Variants in ACACB observed in about 807,000 individuals in gnomAD.
The protein encoded by ACACB is acetyl-CoA carboxylase 2.
A neutral mutation model predicts 278.8 loss-of-function variants in ACACB; 209 were observed. The ratio of observed to expected loss-of-function variants is 0.75; its 90% CI spans 0.67 to 0.84. The LOEUF is 0.84. Among genes scored for constraint, ACACB ranks in the 40% least tolerant of loss-of-function variants. The pLI is 0.00. For synonymous variants in ACACB, 1,174 were observed against 1,285.6 expected (o/e 0.91, Z 1.86); for missense variants, 2,850 against 3,269.0 (o/e 0.87, Z 3.13).
chr12:109,113,378 G>A (rs1321870239), upstream of ACACB: 2 of 152,268 alleles, frequency 1.3e-5, no homozygotes, highest in Non-Finnish European at 2.9e-5. Flanking sequence ...AGGCTTCTGA[G>A]AACCTGGCCT....
intron 25 of ACACB, 71 bp downstream of exon 25, chr12:109,222,691 C>A: frequency 6.6e-7 from 1 of 1,519,398 alleles, no homozygotes; most frequent in East Asian, 2.3e-5. Flanking sequence ...CTACCGTGCT[C>A]AGCCCTCACC....
In ACACB at chr12:109,163,839, G is replaced by A. The variant is rs559887357; in HGVS notation, c.654-3022G>A. ...TAATTTTTGTATTTTTAGTAGAGAC[G>A]GGGTTTCACCATGTTGGCCAAGCTG... On this transcript the variant is annotated intron_variant, in intron 2 of 52. Coordinates refer to ENST00000338432, the MANE Select transcript of ACACB (RefSeq NM_001093.4). Among the ~76,000 whole-genome samples the A allele has an allele frequency of 9.2e-5, 14 of 152,220 alleles. 1 individual carries two copies. The highest frequency in any genetic ancestry group is 7.2e-4 in the Admixed American group (11 of 15,298).
rs773461289 is a variant in ACACB at position 109,256,162 on chromosome 12, C to T, written c.6189C>T (p.Ser2063=). ...PHPTLKGTWQ[S]GFFDHGSFKE... is the part of the protein sequence containing the mutation. ...CAGCTCTGAAGGGAACGTGGCAGAGCGGATTCTTTGACCACGGCAGTTTCA... is the reference window on the plus strand; with the variant it reads ...CAGCTCTGAAGGGAACGTGGCAGAGTGGATTCTTTGACCACGGCAGTTTCA... The change falls in exon 45 of 53, where the codon AGC becomes AGT. Residue 2063 remains serine, a synonymous_variant. Transcript: ENST00000338432. The T allele has an allele frequency of 1.4e-5, 23 of 1,613,820 alleles. No homozygotes were observed. In the Admixed American group the frequency reaches 1.7e-4, roughly 12 times the overall value.
At chr12:109,168,125 C>G in intron 4 of ACACB, 91 bp downstream of exon 4, 1 of 1,410,598 alleles carries the variant, frequency 7.1e-7, no homozygotes, top group Non-Finnish European at 9.6e-7. Context: ...CCATCCTGGA[C>G]TCCCGATGGT....
chr12:109,191,651 G>A lies in ACACB; in HGVS notation c.2183G>A (p.Gly728Asp). The change falls in exon 14 of 53, where the codon GGC becomes GAC. Residue 728 changes from glycine to aspartate, a missense_variant. Physicochemically the swap from Gly to Asp is moderately conservative, Grantham distance 94 (BLOSUM62 -1). This residue lies in a region of ACACB where 2,265 missense variants were observed against 2,561.3 expected (regional missense o/e 0.88). Transcript: ENST00000338432. ...VVALKELSIR[G>D]DFRTTVEYLI... ...GCTTTGAAGGAACTGTCCATCCGAG[G>A]CGACTTTAGGACTACCGTGGAATAC... 1 of 1,614,174 alleles carries A rather than the reference G, an allele frequency of 6.2e-7. No homozygotes were observed.
chr12:109,257,580 T>C (rs2047261758), intron 45 of ACACB, among the ~76,000 whole-genome samples: 1 of 151,998 alleles, frequency 6.6e-6, no homozygotes, highest in Non-Finnish European at 1.5e-5. Context: ...TTATTATTAT[T>C]ATTATTTTGA....
Position 109,193,781 on chromosome 12 carries a change from G to T in ACACB, c.2481+52G>T, listed in dbSNP as rs1324057697. On this transcript the variant is annotated intron_variant, in intron 16 of 52. Coordinates refer to ENST00000338432, the MANE Select transcript of ACACB (RefSeq NM_001093.4). ...TCTCCAACACTCTGCAAGCTTCAGGGAGTTTCTTTCTTCCATGAACCATCC... is the reference window on the plus strand; with the variant it reads ...TCTCCAACACTCTGCAAGCTTCAGGTAGTTTCTTTCTTCCATGAACCATCC... The T allele has an allele frequency of 2.0e-6, 3 of 1,508,156 alleles. No individual in the cohort carries two copies. In the African/African-American group the frequency reaches 4.1e-5, roughly 21 times the overall value. The allele number at this position is 1,508,156 out of a possible 1,614,324, so 93.4% of individuals were successfully genotyped here.
intron 2 of ACACB, among the ~76,000 whole-genome samples, chr12:109,142,448 C>T (rs891350902): frequency 7.2e-5 from 11 of 152,278 alleles, no homozygotes; most frequent in South Asian, 2.1e-4. Flanking sequence ...CCCACCTTTC[C>T]ACCCACTGTC....
intron 2 of ACACB, among the ~76,000 whole-genome samples, chr12:109,163,795 G>C (rs767093858): frequency 6.6e-6 from 1 of 152,060 alleles, no homozygotes; most frequent in East Asian, 1.9e-4. Flanking sequence ...GATTACAGAT[G>C]CACACCACCA....
chr12:109,176,056 G>C lies in ACACB; in HGVS notation c.1326+16G>C. The C allele has an allele frequency of 6.2e-7, 1 of 1,613,648 alleles. No homozygotes were observed. Among genetic ancestry groups the C allele is most frequent in the Non-Finnish European group, 8.5e-7 (1 of 1,179,506 alleles). On this transcript the variant is annotated intron_variant, in intron 8 of 52. Transcript: ENST00000338432. ...GGGCTTGGAGGTAAATGCAGAGCCT[G>C]TGGGGGCCAGGGGAGCCAGAACCGA...
chr12:109,187,173 G>A (rs1457048070), intron 12 of ACACB, among the ~76,000 whole-genome samples: 1 of 151,826 alleles, frequency 6.6e-6, no homozygotes, highest in Non-Finnish European at 1.5e-5. Flanking sequence ...AGGAAGGAGA[G>A]AAGAAAGGAA....
At chr12:109,140,694 T>C (rs1187783011) in intron 2 of ACACB, among the ~76,000 whole-genome samples, 6 of 152,038 alleles carry the variant, frequency 3.9e-5, no homozygotes, top group Non-Finnish European at 8.8e-5. Flanking sequence ...TCCTTGTGCA[T>C]CTACTGCATG....
intron 4 of ACACB, among the ~76,000 whole-genome samples, chr12:109,170,785 T>G (rs2044084513): frequency 7.1e-6 from 1 of 141,516 alleles, no homozygotes; most frequent in Non-Finnish European, 1.5e-5. Flanking sequence ...ATGGTAAATT[T>G]TGTGTGTGTT....
At chr12:109,258,569 T>C (rs1321623800) in intron 46 of ACACB, among the ~76,000 whole-genome samples, 1 of 152,276 alleles carries the variant, frequency 6.6e-6, no homozygotes, top group African/African-American at 2.4e-5. Context: ...ATCTTGCTTC[T>C]TCCTCAGCAG....
At chr12:109,176,081 A>G (rs2044274545) in intron 8 of ACACB, 41 bp downstream of exon 8, 1 of 1,612,422 alleles carries the variant, frequency 6.2e-7, no homozygotes, top group East Asian at 2.2e-5. Context: ...GCCAGAACCG[A>G]ACTGCCTCTG....
At position 109,147,811 on chromosome 12, in the gene ACACB, CGAATGGATGAAT is replaced by C. The variant is rs760274016; in HGVS notation, c.653+7771_653+7782del. ...ATGAATGAGTGTGGGAATGGATGAA[CGAATGGATGAAT>C]GAATGGATGAATGAATGAATGGATT... On this transcript the variant is annotated intron_variant, in intron 2 of 52. Transcript: ENST00000338432. Among the ~76,000 whole-genome samples the C allele has an allele frequency of 1.4e-3, 214 of 151,940 alleles. 1 individual carries two copies. Among genetic ancestry groups the C allele is most frequent in the Admixed American group, 4.6e-3 (70 of 15,238 alleles).
chr12:109,261,494 C>T (rs1449074366), intron 48 of ACACB, among the ~76,000 whole-genome samples: 1 of 152,098 alleles, frequency 6.6e-6, no homozygotes, highest in East Asian at 1.9e-4. Flanking sequence ...CCAGGAAGCT[C>T]AGAGCTACTG....
At chr12:109,162,259 G>A (rs377338004) in intron 2 of ACACB, among the ~76,000 whole-genome samples, 132 of 152,240 alleles carry the variant, frequency 8.7e-4, no homozygotes, top group African/African-American at 3.0e-3. Flanking sequence ...GATTACAGGC[G>A]TGAGCCACCG....
intron 11 of ACACB, among the ~76,000 whole-genome samples, chr12:109,183,289 T>C (rs2044543208): frequency 6.6e-6 from 1 of 152,172 alleles, no homozygotes; most frequent in African/African-American, 2.4e-5. Flanking sequence ...CCATATAAAC[T>C]TTAGGATTTT....
Sources: gnomAD v4.1 joint callset for allele counts (sites outside exome capture counted in the v4.1 genomes callset) on GRCh38, gnomAD v4.1.1 for gene constraint, gnomAD v4.1.1 regional missense constraint, MANE v1.5 for transcripts, NCBI Gene and HGNC (gene_info 2026-07-23, HGNC 2026-07-21) for gene names.